The following C2 variants were observed in gnomAD, a reference collection of about 807,000 sequenced individuals.
The protein encoded by C2 is C3/C5 convertase.
Under a neutral mutation model 85.2 loss-of-function variants are expected in C2, and 64 were observed. The observed-to-expected ratio is 0.75, with a 90% CI of 0.61 to 0.92. The LOEUF (loss-of-function observed/expected upper bound fraction) is 0.92. Among genes scored for constraint, C2 ranks in the 40% least tolerant of loss-of-function variants. The pLI is 0.00. For synonymous variants in C2, 311 were observed against 370.8 expected (o/e 0.84, Z 1.85); for missense variants, 820 against 971.6 (o/e 0.84, Z 2.07).
At chr6:31,934,054 G>A in intron 5 of C2, 89 bp downstream of exon 5, 1 of 1,545,036 alleles carries the variant, frequency 6.5e-7, no homozygotes. Context: ...GAGGCCAGGA[G>A]CCTTGGTGGG....
At chr6:31,905,708 C>T (rs1468968664) in intron 1 of C2, among the ~76,000 whole-genome samples, 2 of 152,004 alleles carry the variant, frequency 1.3e-5, no homozygotes, top group African/African-American at 2.4e-5. Flanking sequence ...GGTTCCAGTC[C>T]ATCTTGAAGT....
chr6:31,943,210 T>C lies in C2; in HGVS notation c.1361-15T>C. On this transcript the variant is annotated splice_polypyrimidine_tract_variant and intron_variant, in intron 10 of 17. Transcript: ENST00000299367. The surrounding 1 kb of genome is among the most constrained non-coding windows in gnomAD (Gnocchi z 6.4). ...CTCACTTGCCTCCTTCCCCATCTGA[T>C]CCTCACACCCACAGATGTCTCCAAG... The C allele has an allele frequency of 6.8e-6, 11 of 1,612,696 alleles. No homozygotes were observed. The highest frequency in any genetic ancestry group is 9.3e-6 in the Non-Finnish European group (11 of 1,179,738).
intron 1 of C2, chr6:31,901,426 G>T: frequency 9.1e-7 from 1 of 1,098,952 alleles, no homozygotes; most frequent in South Asian, 1.6e-5. Flanking sequence ...CCCGGCATCC[G>T]ATCTCCCGGT....
upstream of C2, chr6:31,927,426 C>T (rs909683904): frequency 3.7e-5 from 46 of 1,226,948 alleles, no homozygotes; most frequent in Non-Finnish European, 4.5e-5. This position sits in a 1 kb window ranked among gnomAD's most constrained non-coding sequence, Gnocchi z 4.7. Flanking sequence ...TGTTTGCCTG[C>T]GTGTTTGTGA....
upstream of C2, chr6:31,900,941 G>A (rs751171786): frequency 6.2e-7 from 1 of 1,614,200 alleles, no homozygotes; most frequent in Admixed American, 1.7e-5. The surrounding 1 kb of genome is among the most constrained non-coding windows in gnomAD (Gnocchi z 9.7). Context: ...CTGGCTGAGG[G>A]CATTCCGGCA....
In C2 at chr6:31,921,460, G is replaced by A. The variant is rs1167444451; in HGVS notation, c.-100+1434G>A. Among the ~76,000 whole-genome samples, 3 of 152,084 alleles carry A rather than the reference G, an allele frequency of 2.0e-5. No individual in the cohort carries two copies. The highest frequency in any genetic ancestry group is 7.2e-5 in the African/African-American group (3 of 41,394). Reference sequence around the variant, plus strand: ...GGGGTGCCAAGAGGAAAGAGCCTAGGGGAGAGAGGGCTTGGAAATGCAAGG... The same window carrying A: ...GGGGTGCCAAGAGGAAAGAGCCTAGAGGAGAGAGGGCTTGGAAATGCAAGG... On this transcript the variant is annotated intron_variant, in intron 1 of 3. Transcript: ENST00000413154. This position sits in a 1 kb window ranked among gnomAD's most constrained non-coding sequence, Gnocchi z 4.6.
chr6:31,926,599 TG>T (rs1422272692), upstream of C2, among the ~76,000 whole-genome samples: 2 of 151,944 alleles, frequency 1.3e-5, no homozygotes, highest in African/African-American at 4.8e-5. Flanking sequence ...CCCAAAATGC[TG>T]GGATTACAGG....
In C2 at chr6:31,928,073, G is replaced by A. The variant is rs1008127965; in HGVS notation, c.165G>A (p.Leu55=). The change falls in exon 2 of 18, where the codon CTG becomes CTA. Residue 55 remains leucine (L), a synonymous_variant. Coordinates refer to ENST00000299367, the MANE Select transcript of C2 (RefSeq NM_000063.6). ...TCACCTACTCCTGCCCCCAGGGCCT[G>A]TACCCATCCCCAGCATCACGGCTGT... The part of the protein sequence containing the change: ...SLLTYSCPQG[L]YPSPASRLCK... 4 of 1,613,960 alleles carry A rather than the reference G, an allele frequency of 2.5e-6. No individual in the cohort carries two copies. The highest frequency in any genetic ancestry group is 3.4e-6 in the Non-Finnish European group (4 of 1,180,014).
rs1177319032 is a variant in C2 at position 31,943,918 on chromosome 6, C to G, written c.1735C>G (p.Pro579Ala). The G allele has an allele frequency of 6.2e-7, 1 of 1,612,676 alleles. No individual in the cohort carries two copies. Among genetic ancestry groups the G allele is most frequent in the African/African-American group, 1.3e-5 (1 of 74,906 alleles). Residue 579 changes from proline (P) to alanine (A), a missense_variant and splice_region_variant, in exon 14 of 18, where the codon CCC (proline) becomes GCC (alanine). Pro to Ala is a conservative substitution (Grantham distance 27). Coordinates refer to ENST00000299367, the MANE Select transcript of C2 (RefSeq NM_000063.6). The surrounding 1 kb of genome is among the most constrained non-coding windows in gnomAD (Gnocchi z 6.4). ...TGTGACCCTTGCTCTTCTCCCCAGG[C>G]CCATCTGCCTTCCCTGCACGATGGA... ...QKVKMSTHAR[P>A]ICLPCTMEAN...
intron 1 of C2, among the ~76,000 whole-genome samples, chr6:31,907,841 C>CTTTTTTTT (rs9281622): frequency 3.2e-4 from 22 of 67,970 alleles, no homozygotes; most frequent in Non-Finnish European, 3.7e-4. Flanking sequence ...CCACTTCTGG[C>CTTTTTTTT]TTTTTTTTTT....
At chr6:31,932,266 C>T (rs1446505861) in intron 3 of C2, 3 of 161,432 alleles carry the variant, frequency 1.9e-5, no homozygotes, top group Non-Finnish European at 4.0e-5. Context: ...ACCTCCCTCC[C>T]GGACGGGGCG....
chr6:31,898,711 A>C (rs1581984730), upstream of C2, among the ~76,000 whole-genome samples: 1 of 151,438 alleles, frequency 6.6e-6, no homozygotes, highest in South Asian at 2.1e-4. Context: ...ATGACCAAAC[A>C]GACTCCTGCT....
chr6:31,927,791 G>A lies in C2; in HGVS notation c.39G>A (p.Leu13=), dbSNP rs756090263. 1 of 1,613,866 alleles carries A rather than the reference G, an allele frequency of 6.2e-7. No individual in the cohort carries two copies. Among genetic ancestry groups the A allele is most frequent in the Non-Finnish European group, 8.5e-7 (1 of 1,179,984 alleles). ...PLMVLFCLLF[L]YPGLADSAPS... ...TGGTTCTTTTTTGCCTGCTGTTCCT[G>A]TACCCAGGTAGGAGGCAGGGAAGGG... The change falls in exon 1 of 18, where the codon CTG becomes CTA. Residue 13 remains leucine (L), a synonymous_variant. Coordinates refer to ENST00000299367, the MANE Select transcript of C2 (RefSeq NM_000063.6). This position sits in a 1 kb window ranked among gnomAD's most constrained non-coding sequence, Gnocchi z 4.7.
chr6:31,940,911 G>A (rs1020327572), intron 9 of C2, among the ~76,000 whole-genome samples: 6 of 152,136 alleles, frequency 3.9e-5, no homozygotes, highest in African/African-American at 1.4e-4. Context: ...TACACACAAC[G>A]CGGGGCTCTC....
chr6:31,926,652 T>G (rs1431220039), upstream of C2, among the ~76,000 whole-genome samples: 2 of 150,306 alleles, frequency 1.3e-5, no homozygotes, highest in African/African-American at 2.5e-5. Flanking sequence ...TTTTTCTTTT[T>G]GAGATGTAGT....
upstream of C2, among the ~76,000 whole-genome samples, chr6:31,926,542 C>T (rs371826002): frequency 9.9e-5 from 15 of 152,150 alleles, no homozygotes; most frequent in East Asian, 1.9e-3. Context: ...CCATGTTGGC[C>T]GGGCTGGTCT....
rs1771172096 is a variant in C2 at position 31,944,326 on chromosome 6, G to T, written c.1902+100G>T. On this transcript the variant is annotated intron_variant, in intron 15 of 17. Coordinates refer to ENST00000299367, the MANE Select transcript of C2 (RefSeq NM_000063.6). This position sits in a 1 kb window ranked among gnomAD's most constrained non-coding sequence, Gnocchi z 5.1. ...CTGGCTGCTTTCTCTCTCTGACGCGGGTCACCCCTCCTCCCAAGCCTCACA... is the reference window on the plus strand; with the variant it reads ...CTGGCTGCTTTCTCTCTCTGACGCGTGTCACCCCTCCTCCCAAGCCTCACA... The T allele has an allele frequency of 8.2e-6, 7 of 849,562 alleles. No individual in the cohort carries two copies. Among genetic ancestry groups the T allele is most frequent in the Non-Finnish European group, 1.4e-5 (7 of 499,222 alleles). 52.6% of individuals were successfully genotyped at this position (849,562 alleles called of 1,614,324 possible).
upstream of C2, among the ~76,000 whole-genome samples, chr6:31,918,994 T>C (rs1299484650): frequency 6.6e-6 from 1 of 152,062 alleles, no homozygotes; most frequent in Non-Finnish European, 1.5e-5. Flanking sequence ...AGCTAGATGA[T>C]GGATACATAC....
upstream of C2, chr6:31,899,900 GCCT>G (rs1767069585): frequency 6.5e-7 from 1 of 1,538,118 alleles, no homozygotes; most frequent in African/African-American, 1.4e-5. Flanking sequence ...AGGGGCCCCA[GCCT>G]CCTGGCCTCC....
Sources: gnomAD v4.1 joint callset for allele counts (sites outside exome capture counted in the v4.1 genomes callset) on GRCh38, gnomAD v4.1.1 for gene constraint, Gnocchi (gnomAD v3.1) non-coding constraint, MANE v1.5 for transcripts, NCBI Gene and HGNC (gene_info 2026-07-23, HGNC 2026-07-21) for gene names.